ZAN: variants seen among roughly 807,000 people sequenced by gnomAD.
ZAN encodes zonadhesin, also known as zonadhesin (gene/pseudogene).
A neutral mutation model predicts 286.2 loss-of-function variants in ZAN; 260 were observed. The ratio of observed to expected loss-of-function variants is 0.91; its 90% confidence interval spans 0.82 to 1.01. The LOEUF (loss-of-function observed/expected upper bound fraction) is 1.01. Ranked by LOEUF, ZAN falls within the 50% of genes least tolerant of loss-of-function variation. ZAN has a pLI of 0.00. For synonymous variants in ZAN, 1,368 were observed against 1,417.5 expected (o/e 0.97, Z 0.79); for missense variants, 3,410 against 3,639.2 (o/e 0.94, Z 1.62).
rs769259169 is a variant in ZAN at position 100,794,272 on chromosome 7, C to T, written c.8125+14C>T. ...GCTGCTTTCCAGGTGAACCTGCACT[C>T]CTGCCCGGTTCCAAGCTGCCCCATG... On this transcript the variant is annotated intron_variant, in intron 44 of 47. Coordinates refer to ENST00000613979, the MANE Select transcript of ZAN (RefSeq NM_003386.3). 188 of 1,584,258 alleles carry T rather than the reference C, an allele frequency of 1.2e-4. No homozygotes were observed. The highest frequency in any genetic ancestry group is 1.6e-4 in the Non-Finnish European group (185 of 1,164,592).
At chr7:100,759,902 A>C in intron 18 of ZAN, 57 bp downstream of exon 18, 1 of 1,574,004 alleles carries the variant, frequency 6.4e-7, no homozygotes, top group Admixed American at 1.7e-5. Context: ...GTCCTGGCCA[A>C]CCCTTCCAAT....
chr7:100,742,715 GC>G (rs1807883306), intron 7 of ZAN, among the ~76,000 whole-genome samples: 1 of 67,038 alleles, frequency 1.5e-5, no homozygotes, highest in South Asian at 5.0e-4. Context: ...AACCAGTCAG[GC>G]GTGGCGGCGC....
intron 18 of ZAN, among the ~76,000 whole-genome samples, chr7:100,760,163 G>C (rs975938358): frequency 6.6e-6 from 1 of 152,100 alleles, no homozygotes; most frequent in African/African-American, 2.4e-5. Flanking sequence ...GCAGTGAGCT[G>C]TGATTGCACC....
At position 100,776,481 on chromosome 7, in the gene ZAN, C is replaced by T. The variant is rs1276072201; in HGVS notation, c.6234C>T (p.Asp2078=). The change falls in exon 34 of 48, where the codon GAC becomes GAT. Residue 2078 remains aspartate, a synonymous_variant. Transcript: ENST00000613979. ...MCGNFNDEEE[D]ELMMPSDEVA... ...GGAACTTCAATGATGAGGAAGAGGA[C>T]GAACTAATGATGCCCAGCGATGAAG... 4.4e-6 allele frequency: 7 copies of T among 1,601,610 alleles called. No individual in the cohort carries two copies. In the East Asian group the frequency reaches 6.7e-5, roughly 15 times the overall value.
Position 100,784,780 on chromosome 7 carries a change from G to A in ZAN, c.6780G>A (p.Lys2260=), listed in dbSNP as rs1447115880. Residue 2260 remains lysine (K), a synonymous_variant, in exon 36 of 48, where the codon AAG becomes AAA. Coordinates refer to ENST00000613979, the MANE Select transcript of ZAN (RefSeq NM_003386.3). Reference sequence around the variant, plus strand: ...CCGGCTATGTGCTGAGTGAAGACAAGTGTGTCCCCAGAAGTCAGTGTGGCT... The same window carrying A: ...CCGGCTATGTGCTGAGTGAAGACAAATGTGTCCCCAGAAGTCAGTGTGGCT... The part of the protein sequence containing the change: ...CQPGYVLSED[K]CVPRSQCGCK... 1.9e-6 allele frequency: 3 copies of A among 1,613,206 alleles called. No homozygotes were observed. Among genetic ancestry groups the A allele is most frequent in the East Asian group, 2.2e-5 (1 of 44,870 alleles).
intron 11 of ZAN, among the ~76,000 whole-genome samples, chr7:100,749,077 C>T (rs916185407): frequency 3.3e-5 from 5 of 151,760 alleles, no homozygotes; most frequent in African/African-American, 7.3e-5. Flanking sequence ...TGGTGGCTCA[C>T]GCCTTTAATT....
At position 100,771,791 on chromosome 7, in the gene ZAN, C is replaced by A. The variant is rs532167819; in HGVS notation, c.5249-53C>A. The A allele has an allele frequency of 1.3e-3, 2,101 of 1,566,336 alleles. 7 individuals carry two copies. Among genetic ancestry groups the A allele is most frequent in the Non-Finnish European group, 1.5e-3 (1,724 of 1,152,226 alleles). On this transcript the variant is annotated intron_variant, in intron 28 of 47. Transcript: ENST00000613979. ...ATCAGCCCCAGGGAAGCCACATGGC[C>A]CTGTTCCTTCCCGGCCCCTCCCCTG...
chr7:100,745,360 T>C (rs568003670), intron 7 of ZAN, among the ~76,000 whole-genome samples: 15 of 151,822 alleles, frequency 9.9e-5, no homozygotes, highest in African/African-American at 3.4e-4. Context: ...CAAGACTCCC[T>C]TGGACTCGGG....
rs372077951 is a variant in ZAN at position 100,748,369 on chromosome 7, G to A, written c.1148G>A (p.Cys383Tyr). 23 of 1,613,894 alleles carry A rather than the reference G, an allele frequency of 1.4e-5. No individual in the cohort carries two copies. Among genetic ancestry groups the A allele is most frequent in the Non-Finnish European group, 1.8e-5 (21 of 1,179,910 alleles). Residue 383 changes from cysteine to tyrosine, a missense_variant, in exon 11 of 48, where the codon TGT becomes TAT. Physicochemically the swap from Cys to Tyr is radical, Grantham distance 194 (BLOSUM62 -2). Coordinates refer to ENST00000613979, the MANE Select transcript of ZAN (RefSeq NM_003386.3). ...CDFEDNAHPF[C>Y]DWVQTSGDGG... ...TTTGAAGACAACGCCCATCCCTTCTGTGACTGGGTCCAGACTTCCGGGGAT... is the reference window on the plus strand; with the variant it reads ...TTTGAAGACAACGCCCATCCCTTCTATGACTGGGTCCAGACTTCCGGGGAT...
At chr7:100,780,805 C>T (rs552648128) in intron 35 of ZAN, among the ~76,000 whole-genome samples, 26 of 151,918 alleles carry the variant, frequency 1.7e-4, no homozygotes, top group African/African-American at 5.5e-4. Flanking sequence ...AATTTATATT[C>T]GTGGCTGGGT....
chr7:100,781,208 C>A (rs1811175592), intron 35 of ZAN, among the ~76,000 whole-genome samples: 1 of 151,998 alleles, frequency 6.6e-6, no homozygotes, highest in East Asian at 1.9e-4. Flanking sequence ...GCTGGGACTG[C>A]AGGCACGCAC....
Position 100,748,167 on chromosome 7 carries a change from C to T in ZAN, c.1054C>T (p.Pro352Ser). The part of the protein sequence containing the change: ...FAVVGVFGKT[P>S]EPAVAVDATS... ...CGTGGTAGGCGTTTTTGGAAAGACCCCAGAGCCAGCTGTGGCAGTTGATGC... is the reference window on the plus strand; with the variant it reads ...CGTGGTAGGCGTTTTTGGAAAGACCTCAGAGCCAGCTGTGGCAGTTGATGC... Residue 352 changes from proline to serine, a missense_variant, in exon 10 of 48, where the codon CCA (proline) becomes TCA (serine). This residue lies in a region of ZAN where 872 missense variants were observed against 938.9 expected (regional missense o/e 0.93). Coordinates refer to ENST00000613979, the MANE Select transcript of ZAN (RefSeq NM_003386.3). 1 of 1,613,856 alleles carries T rather than the reference C, an allele frequency of 6.2e-7. No homozygotes were observed. The highest frequency in any genetic ancestry group is 8.5e-7 in the Non-Finnish European group (1 of 1,179,858).
intron 45 of ZAN, among the ~76,000 whole-genome samples, chr7:100,796,151 G>A (rs563331961): frequency 6.6e-6 from 1 of 152,084 alleles, no homozygotes; most frequent in East Asian, 1.9e-4. Flanking sequence ...TATATACTGT[G>A]AAATCTTCTC....
At chr7:100,787,754 G>A (rs221804) in intron 37 of ZAN, 135 bp from the exon 38 acceptor site, 360,757 of 949,444 alleles carry the variant, frequency 0.38, 71,995 homozygotes, top group Non-Finnish European at 0.4. Flanking sequence ...TAGAGACAGG[G>A]TTTCACCATG....
intron 34 of ZAN, among the ~76,000 whole-genome samples, chr7:100,777,305 G>A (rs1319476899): frequency 6.6e-6 from 1 of 151,688 alleles, no homozygotes; most frequent in Non-Finnish European, 1.5e-5. Flanking sequence ...TTGGCCTCCC[G>A]AAGTGCTGGG....
chr7:100,796,237 C>A (rs890496433), intron 45 of ZAN, among the ~76,000 whole-genome samples: 1 of 152,096 alleles, frequency 6.6e-6, no homozygotes, highest in African/African-American at 2.4e-5. Flanking sequence ...TCCTTCTGTG[C>A]CTCTCCAGCA....
chr7:100,796,165 G>C (rs1439704365), intron 45 of ZAN, among the ~76,000 whole-genome samples: 1 of 151,990 alleles, frequency 6.6e-6, no homozygotes, highest in Non-Finnish European at 1.5e-5. Flanking sequence ...TCTTCTCTCT[G>C]AAGCCCAGCT....
chr7:100,775,449 G>A lies in ZAN; in HGVS notation c.5901G>A (p.Leu1967=), dbSNP rs773732089. 1.2e-6 allele frequency: 2 copies of A among 1,613,952 alleles called. No individual in the cohort carries two copies. The highest frequency in any genetic ancestry group is 1.7e-6 in the Non-Finnish European group (2 of 1,179,900). The change falls in exon 32 of 48, where the codon TTG becomes TTA. Residue 1967 remains leucine, a synonymous_variant. Transcript: ENST00000613979. ...AAGTGTGCCACCCCGCCATGGCCTT[G>A]CCCTTCTTCAAGATCAGTGCCAAGC... The part of the protein sequence containing the change: ...LVKVCHPAMA[L]PFFKISAKHE...
At chr7:100,762,572 C>T (rs1291122233) in intron 20 of ZAN, among the ~76,000 whole-genome samples, 1 of 151,698 alleles carries the variant, frequency 6.6e-6, no homozygotes, top group Admixed American at 6.6e-5. Context: ...ATTACAGGCA[C>T]CTGCCACCAC....
Sources: allele counts gnomAD v4.1 joint callset (sites outside exome capture counted in the v4.1 genomes callset), GRCh38; gene constraint gnomAD v4.1.1; regional missense constraint gnomAD v4.1.1; transcripts MANE v1.5; gene names NCBI Gene and HGNC (gene_info 2026-07-23, HGNC 2026-07-21).